CSMD1: variants seen among roughly 807,000 people sequenced by gnomAD.
CSMD1 encodes the protein CUB and sushi domain-containing protein 1.
CSMD1 carries 213 observed loss-of-function variants against 417.5 expected under a neutral mutation model. The observed-to-expected ratio is 0.51, with a 90% CI of 0.46 to 0.57. CSMD1 has a LOEUF of 0.57. Ranked by LOEUF, CSMD1 falls within the 20% of genes least tolerant of loss-of-function variation. The pLI is 0.00. For missense variants in CSMD1, 6,923 were observed against 4,529.7 expected (o/e 1.53, Z -15.17); for synonymous variants, 2,862 against 1,736.8 (o/e 1.65, Z -16.11).
intron 3 of CSMD1, among the ~76,000 whole-genome samples, chr8:4,350,751 G>A (rs923211641): frequency 6.6e-6 from 1 of 152,164 alleles, no homozygotes; most frequent in Non-Finnish European, 1.5e-5. Context: ...TCTAAATCCA[G>A]TGGCAGCTGA....
At chr8:4,465,665 A>G (rs538461661) in intron 2 of CSMD1, among the ~76,000 whole-genome samples, 1 of 152,336 alleles carries the variant, frequency 6.6e-6, no homozygotes, top group Admixed American at 6.5e-5. Flanking sequence ...TACTGGAGAG[A>G]TGAAATTCAC....
At position 4,284,347 on chromosome 8, in the gene CSMD1, G is replaced by A. The variant is rs368391352; in HGVS notation, c.415+135606C>T. Among the ~76,000 whole-genome samples the A allele has an allele frequency of 6.4e-3, 980 of 151,980 alleles. 10 individuals are homozygous for A. The highest frequency in any genetic ancestry group is 0.022 in the African/African-American group (910 of 41,410). On this transcript the variant is annotated intron_variant, in intron 3 of 69. Transcript: ENST00000635120. ...CCTGCCAATGCACTCCAGCCTGGGG[G>A]ACAAGAGAGAAACTACAACCCCCCC...
intron 1 of CSMD1, among the ~76,000 whole-genome samples, chr8:4,969,652 G>C (rs986791899): frequency 1.3e-5 from 2 of 151,900 alleles, no homozygotes; most frequent in African/African-American, 4.8e-5. Flanking sequence ...TTCATTTTGA[G>C]CCCATTGATT....
chr8:4,819,794 G>A (rs914463742), intron 1 of CSMD1, among the ~76,000 whole-genome samples: 9 of 152,068 alleles, frequency 5.9e-5, no homozygotes, highest in African/African-American at 2.2e-4. Flanking sequence ...CAATGCTAAG[G>A]GTGGGGCTGT....
chr8:4,504,799 A>G (rs901507157), intron 2 of CSMD1, among the ~76,000 whole-genome samples: 4 of 152,200 alleles, frequency 2.6e-5, no homozygotes, highest in Non-Finnish European at 5.9e-5. Flanking sequence ...ATGTCCCTGC[A>G]AAGGACATGA....
At chr8:3,652,067 C>G (rs3102097) in intron 7 of CSMD1, among the ~76,000 whole-genome samples, 1 of 146,722 alleles carries the variant, frequency 6.8e-6, no homozygotes, top group South Asian at 2.2e-4. Flanking sequence ...CGCACTTACC[C>G]CCATCAGAGC....
At chr8:3,106,222 C>CCA (rs779736012) in intron 46 of CSMD1, among the ~76,000 whole-genome samples, 11 of 126,244 alleles carry the variant, frequency 8.7e-5, no homozygotes, top group Non-Finnish European at 1.6e-4. Flanking sequence ...CCCATTTCTA[C>CCA]AAAAAAAAAA....
At chr8:4,073,487 T>G (rs1268223548) in intron 3 of CSMD1, among the ~76,000 whole-genome samples, 1 of 152,182 alleles carries the variant, frequency 6.6e-6, no homozygotes, top group Non-Finnish European at 1.5e-5. Flanking sequence ...TTTCTGGCTG[T>G]CCTCATCCAA....
chr8:3,368,348 A>AT (rs1211449116), intron 19 of CSMD1, among the ~76,000 whole-genome samples: 1 of 152,062 alleles, frequency 6.6e-6, no homozygotes, highest in Non-Finnish European at 1.5e-5. Context: ...TGTTTATTTT[A>AT]TTTTTTGAGA....
chr8:3,064,286 G>A (rs1812775831), intron 49 of CSMD1, among the ~76,000 whole-genome samples: 1 of 152,212 alleles, frequency 6.6e-6, no homozygotes, highest in East Asian at 1.9e-4. Flanking sequence ...GGTGGGAGGT[G>A]ACTGGATCAT....
intron 2 of CSMD1, among the ~76,000 whole-genome samples, chr8:4,585,814 T>C (rs1322353335): frequency 6.6e-6 from 1 of 152,176 alleles, no homozygotes; most frequent in African/African-American, 2.4e-5. Flanking sequence ...TCTGAGTAAA[T>C]ACTCTTTAGT....
At chr8:3,616,047 G>A (rs1043387477) in intron 8 of CSMD1, among the ~76,000 whole-genome samples, 3 of 152,068 alleles carry the variant, frequency 2.0e-5, no homozygotes, top group African/African-American at 4.8e-5. Context: ...ATACTAACAT[G>A]CATCATTCCT....
chr8:4,031,189 A>G (rs1797326005), intron 4 of CSMD1, among the ~76,000 whole-genome samples: 2 of 152,270 alleles, frequency 1.3e-5, no homozygotes, highest in Admixed American at 6.5e-5. Flanking sequence ...GTATCTTTTC[A>G]GGAGTACCCC....
intron 5 of CSMD1, among the ~76,000 whole-genome samples, chr8:3,797,109 CAT>C (rs1800195497): frequency 6.6e-6 from 1 of 151,788 alleles, no homozygotes. Context: ...ACATTTAAAA[CAT>C]AAGTAAATAA....
chr8:4,097,631 T>C (rs1007179914), intron 3 of CSMD1, among the ~76,000 whole-genome samples: 16 of 152,176 alleles, frequency 1.1e-4, no homozygotes, highest in Admixed American at 3.3e-4. Flanking sequence ...ATCTGCAACA[T>C]AGGGATTCAA....
At chr8:4,604,408 T>TGCGCGC (rs766177830) in intron 2 of CSMD1, among the ~76,000 whole-genome samples, 3 of 59,492 alleles carry the variant, frequency 5.0e-5, no homozygotes, top group Non-Finnish European at 1.2e-4. Context: ...TGTGTGTGTG[T>TGCGCGC]GTGCGCGTGC....
At chr8:4,011,542 CA>C (rs1816535074) in intron 4 of CSMD1, among the ~76,000 whole-genome samples, 1 of 152,170 alleles carries the variant, frequency 6.6e-6, no homozygotes, top group African/African-American at 2.4e-5. Flanking sequence ...AGAAGGCCCA[CA>C]TGTCAGCCAC....
At chr8:3,673,260 C>A (rs73183326) in intron 7 of CSMD1, among the ~76,000 whole-genome samples, 19,849 of 152,206 alleles carry the variant, frequency 0.13, 1,574 homozygotes, top group South Asian at 0.21. Context: ...TGAACACATG[C>A]TCTTTGTCCT....
intron 1 of CSMD1, among the ~76,000 whole-genome samples, chr8:4,785,253 G>C (rs1374424956): frequency 6.6e-6 from 1 of 152,164 alleles, no homozygotes; most frequent in Non-Finnish European, 1.5e-5. Context: ...GTCATGAGGA[G>C]GTGAACATTG....
Sources: gnomAD v4.1 joint callset for allele counts (sites outside exome capture counted in the v4.1 genomes callset) on GRCh38, gnomAD v4.1.1 for gene constraint, MANE v1.5 for transcripts, NCBI Gene and HGNC (gene_info 2026-07-23, HGNC 2026-07-21) for gene names.